Variants in PARD3B observed in about 807,000 individuals in gnomAD.
The protein encoded by PARD3B is partitioning defective 3 homolog B.
A neutral mutation model predicts 130.2 loss-of-function variants in PARD3B; 103 were observed. The observed-to-expected ratio is 0.79, with a 90% CI of 0.67 to 0.93. The LOEUF is 0.93. PARD3B is among the 40% of genes least tolerant of loss of function. The probability of loss-of-function intolerance (pLI) is 0.00; values close to 1 mark genes in which losing one functional copy is unlikely to be tolerated. For synonymous variants in PARD3B, 583 were observed against 553.2 expected, an observed-to-expected ratio of 1.05 and a Z score of -0.76; for missense variants, 1,609 against 1,499.2, an observed-to-expected ratio of 1.07 and a Z score of -1.21.
At chr2:204,590,188 C>T (rs2033013854) in intron 1 of PARD3B, among the ~76,000 whole-genome samples, 1 of 152,104 alleles carries the variant, frequency 6.6e-6, no homozygotes, top group Admixed American at 6.6e-5. Flanking sequence ...GCCATCATCT[C>T]TCTGTCCTCA....
rs142536261 is a variant in PARD3B at position 204,960,670 on chromosome 2, G to A, written c.223-4482G>A. Among the ~76,000 whole-genome samples the A allele has an allele frequency of 1.9e-3, 289 of 152,038 alleles. 2 individuals carry two copies. The highest frequency in any genetic ancestry group is 6.1e-3 in the African/African-American group (255 of 41,474). On this transcript the variant is annotated intron_variant, in intron 2 of 22. Transcript: ENST00000406610. ...CCTCATATTTCACTAATTTTTTTCA[G>A]CAAATTTACATTGAGCACCTATGAT...
In PARD3B at chr2:205,292,315, A is replaced by G. The variant is rs1205031755; in HGVS notation, c.2186-8215A>G. 6.6e-6 allele frequency among the ~76,000 whole-genome samples: 1 copy of G among 152,136 alleles called. No individual in the cohort carries two copies. Among genetic ancestry groups the G allele is most frequent in the East Asian group, 1.9e-4 (1 of 5,190 alleles). Reference sequence around the variant, plus strand: ...CCTTCCACCATGTGAGGACACAATGAGAACACAGGCATCCATGGACCAGGA... The same window carrying G: ...CCTTCCACCATGTGAGGACACAATGGGAACACAGGCATCCATGGACCAGGA... On this transcript the variant is annotated intron_variant, in intron 16 of 22. Coordinates refer to ENST00000406610, the MANE Select transcript of PARD3B (RefSeq NM_001302769.2). The surrounding 1 kb of genome is among the most constrained non-coding windows in gnomAD (Gnocchi z 5.3).
chr2:204,970,552 C>A (rs1691615091), intron 3 of PARD3B, among the ~76,000 whole-genome samples: 1 of 152,154 alleles, frequency 6.6e-6, no homozygotes, highest in Non-Finnish European at 1.5e-5. Context: ...GAGTTTGAAT[C>A]CAACTCCATG....
intron 14 of PARD3B, among the ~76,000 whole-genome samples, chr2:205,186,876 G>T (rs1018197437): frequency 3.3e-5 from 5 of 152,126 alleles, no homozygotes; most frequent in African/African-American, 1.2e-4. Context: ...ATTCTGAATT[G>T]AAAATGACAA....
chr2:205,485,955 A>G (rs1027273417), intron 20 of PARD3B, among the ~76,000 whole-genome samples: 2 of 152,160 alleles, frequency 1.3e-5, no homozygotes, highest in Non-Finnish European at 2.9e-5. Flanking sequence ...GCCACATTGC[A>G]CTGTCATTAT....
chr2:205,106,872 T>G (rs545276477), intron 5 of PARD3B, among the ~76,000 whole-genome samples: 1 of 152,314 alleles, frequency 6.6e-6, no homozygotes, highest in Admixed American at 6.5e-5. Context: ...TGCCATTGAA[T>G]GCATGGGGGA....
At chr2:205,028,436 G>A (rs879292061) in intron 3 of PARD3B, among the ~76,000 whole-genome samples, 12 of 152,078 alleles carry the variant, frequency 7.9e-5, no homozygotes, top group Non-Finnish European at 1.5e-4. Flanking sequence ...ATTAGGTATA[G>A]AATGAATTTA....
At chr2:205,455,539 G>A (rs2048244206) in intron 20 of PARD3B, among the ~76,000 whole-genome samples, 1 of 151,754 alleles carries the variant, frequency 6.6e-6, no homozygotes, top group African/African-American at 2.4e-5. Flanking sequence ...CTCAACTTTA[G>A]TAGATTTTTT....
At position 205,058,719 on chromosome 2, in the gene PARD3B, A is replaced by T. The variant is rs115598881; in HGVS notation, c.504+11029A>T. ...ATACTGGGCATCTTTTTAAGTACTT[A>T]TTGGCCATTCATGTATCTTCTTTGG... On this transcript the variant is annotated intron_variant, in intron 4 of 22. Transcript: ENST00000406610. Among the ~76,000 whole-genome samples, 794 of 151,920 alleles carry T rather than the reference A, an allele frequency of 5.2e-3. 7 individuals are homozygous for T. The highest frequency in any genetic ancestry group is 0.017 in the African/African-American group (704 of 41,490).
intron 2 of PARD3B, among the ~76,000 whole-genome samples, chr2:204,895,463 T>C (rs1046586522): frequency 2.6e-5 from 4 of 152,130 alleles, no homozygotes; most frequent in Non-Finnish European, 5.9e-5. Flanking sequence ...TTTTCAGTTA[T>C]CAGGTATTTA....
chr2:205,615,893 C>G lies in PARD3B; in HGVS notation c.*80C>G. On this transcript the variant is annotated 3_prime_UTR_variant, in exon 23 of 23. Transcript: ENST00000406610. Reference sequence around the variant, plus strand: ...TGCCCTTTCTAAACCTGAAGACCTCCTTGGTGTTAGGAATTCTCCATGTTA... The same window carrying G: ...TGCCCTTTCTAAACCTGAAGACCTCGTTGGTGTTAGGAATTCTCCATGTTA... 8.1e-7 allele frequency: 1 copy of G among 1,228,434 alleles called. No homozygotes were observed. The highest frequency in any genetic ancestry group is 2.3e-5 in the Admixed American group (1 of 44,282). 76.1% of individuals were successfully genotyped at this position (1,228,434 alleles called of 1,614,324 possible).
At chr2:204,904,478 G>GTAT (rs2125711681) in intron 2 of PARD3B, among the ~76,000 whole-genome samples, 1 of 152,150 alleles carries the variant, frequency 6.6e-6, no homozygotes, top group African/African-American at 2.4e-5. Flanking sequence ...TGGAAAACTT[G>GTAT]TATTATTTGC....
chr2:205,259,397 AT>A (rs1475722462), intron 16 of PARD3B, among the ~76,000 whole-genome samples: 1 of 151,704 alleles, frequency 6.6e-6, no homozygotes, highest in Non-Finnish European at 1.5e-5. Flanking sequence ...ATCTTCTTCT[AT>A]TGTCTTATGG....
rs76315974 is a variant in PARD3B, at chr2:204,948,274, C to T, written c.223-16878C>T. ...AAGGCAGCCAGACCTGTCCAAAGACCAACATAAATTTTCAGAGGCAGAGAA... is the reference window on the plus strand; with the variant it reads ...AAGGCAGCCAGACCTGTCCAAAGACTAACATAAATTTTCAGAGGCAGAGAA... On this transcript the variant is annotated intron_variant, in intron 2 of 22. Coordinates refer to ENST00000406610, the MANE Select transcript of PARD3B (RefSeq NM_001302769.2). Among the ~76,000 whole-genome samples, 1,126 of 152,180 alleles carry T rather than the reference C, an allele frequency of 7.4e-3. 20 individuals carry two copies. Among genetic ancestry groups the T allele is most frequent in the African/African-American group, 0.025 (1,056 of 41,500 alleles).
intron 2 of PARD3B, among the ~76,000 whole-genome samples, chr2:204,791,415 A>G (rs903762900): frequency 1.3e-5 from 2 of 152,210 alleles, no homozygotes; most frequent in Non-Finnish European, 1.5e-5. Context: ...ATTCATGATA[A>G]TAATCCTGGT....
chr2:204,998,202 G>A (rs1016814991), intron 3 of PARD3B, among the ~76,000 whole-genome samples: 1 of 148,392 alleles, frequency 6.7e-6, no homozygotes, highest in East Asian at 2.0e-4. Context: ...ATAGCATTAG[G>A]GGAAATACCT....
At chr2:205,395,577 G>C (rs749805477) in intron 18 of PARD3B, among the ~76,000 whole-genome samples, 6 of 152,034 alleles carry the variant, frequency 3.9e-5, no homozygotes, top group Non-Finnish European at 7.4e-5. Context: ...ATTTCCCAAA[G>C]ATATATTACA....
In PARD3B at chr2:205,204,743, T is replaced by C. The variant is rs111936609; in HGVS notation, c.2140+11423T>C. Among the ~76,000 whole-genome samples the C allele has an allele frequency of 8.0e-3, 1,219 of 152,252 alleles. 17 individuals are homozygous for C. Among genetic ancestry groups the C allele is most frequent in the African/African-American group, 0.014 (571 of 41,560 alleles). On this transcript the variant is annotated intron_variant, in intron 15 of 22. Coordinates refer to ENST00000406610, the MANE Select transcript of PARD3B (RefSeq NM_001302769.2). ...TTGCTTGTTTTTGTCAGGTCTGTCATAGATCAGATGGTTGTAGATGTGTGA... is the reference window on the plus strand; with the variant it reads ...TTGCTTGTTTTTGTCAGGTCTGTCACAGATCAGATGGTTGTAGATGTGTGA...
intron 1 of PARD3B, among the ~76,000 whole-genome samples, chr2:204,647,546 T>C (rs1049718439): frequency 1.3e-5 from 2 of 151,804 alleles, no homozygotes; most frequent in Non-Finnish European, 3.0e-5. Context: ...GTAATAAGAC[T>C]GGAAGAAAAA....
Sources: allele counts gnomAD v4.1 joint callset (sites outside exome capture counted in the v4.1 genomes callset), GRCh38; gene constraint gnomAD v4.1.1; non-coding constraint Gnocchi (gnomAD v3.1); transcripts MANE v1.5; gene names NCBI Gene and HGNC (gene_info 2026-07-23, HGNC 2026-07-21).